BTG2: variants seen among roughly 807,000 people sequenced by gnomAD.
The protein encoded by BTG2 is BTG anti-proliferation factor 2.
In BTG2, 9 loss-of-function variants were observed where a neutral mutation model predicts 13.1. That is an observed-to-expected ratio of 0.69 (90% CI 0.41 to 1.20). The LOEUF (loss-of-function observed/expected upper bound fraction) is 1.20. BTG2 is among the 50% of genes most tolerant of loss of function. BTG2 has a pLI of 0.00. For synonymous variants in BTG2, 92 were observed against 88.6 expected (o/e 1.04, Z -0.21); for missense variants, 200 against 209.5 (o/e 0.95, Z 0.28).
chr1:203,307,086 CT>C lies in BTG2; in HGVS notation c.143-17del, dbSNP rs1467805599. 8.1e-6 allele frequency: 13 copies of C among 1,608,912 alleles called. No homozygotes were observed. Among genetic ancestry groups the C allele is most frequent in the East Asian group, 2.2e-5 (1 of 44,832 alleles). ...GCTGCTCTAACCAGGGCATCTGCCC[CT>C]GGTCCTGTCTCCACAGAGCACTACA... On this transcript the variant is annotated splice_polypyrimidine_tract_variant and intron_variant, in intron 1 of 1. Coordinates refer to ENST00000290551, the MANE Select transcript of BTG2 (RefSeq NM_006763.3).
rs2102286379 is a variant in BTG2, at chr1:203,308,168, C to T, written c.*730C>T. 1 of 152,630 alleles carries T rather than the reference C, an allele frequency of 6.6e-6. No individual in the cohort carries two copies. Among genetic ancestry groups the T allele is most frequent in the South Asian group, 2.1e-4 (1 of 4,826 alleles). The allele number at this position is 152,630 out of a possible 1,614,324, so 9.5% of individuals were successfully genotyped here. A position where few individuals can be genotyped will look rare whatever the true frequency, so the allele number is the denominator to read the frequency against. On this transcript the variant is annotated 3_prime_UTR_variant, in exon 2 of 2. Coordinates refer to ENST00000290551, the MANE Select transcript of BTG2 (RefSeq NM_006763.3). ...ATTGGGGTTAGGATGGAAGGGAACTCTGCACAAAACCTTTGCTTTGCTAGT... is the reference window on the plus strand; with the variant it reads ...ATTGGGGTTAGGATGGAAGGGAACTTTGCACAAAACCTTTGCTTTGCTAGT...
intron 1 of BTG2, among the ~76,000 whole-genome samples, chr1:203,305,998 G>C (rs552728872): frequency 6.6e-6 from 1 of 152,164 alleles, no homozygotes; most frequent in African/African-American, 2.4e-5. Flanking sequence ...CGCAGACCCT[G>C]GTCCTGGAGT....
rs367892990 is a variant in BTG2, at chr1:203,308,916, C to T, written c.*1478C>T. On this transcript the variant is annotated 3_prime_UTR_variant, in exon 2 of 2. Transcript: ENST00000290551. ...TTGATGAGGGGTCCTCAAAAGACCT[C>T]GAGTTTCCCAAACCGAATCACCTTA... 8 of 152,606 alleles carry T rather than the reference C, an allele frequency of 5.2e-5. No homozygotes were observed. In the East Asian group the frequency reaches 9.6e-4, roughly 18 times the overall value. The allele number at this position is 152,606 out of a possible 1,614,324, so 9.5% of individuals were successfully genotyped here.
At chr1:203,307,071 C>G in intron 1 of BTG2, 33 bp from the exon 2 acceptor site, 2 of 1,591,866 alleles carry the variant, frequency 1.3e-6, no homozygotes, top group Non-Finnish European at 1.7e-6. Flanking sequence ...GCTGCTCTAA[C>G]CAGGGCATCT....
intron 1 of BTG2, among the ~76,000 whole-genome samples, chr1:203,306,755 G>A (rs1658282888): frequency 6.7e-6 from 1 of 148,304 alleles, no homozygotes; most frequent in Non-Finnish European, 1.5e-5. Flanking sequence ...GCAATACACT[G>A]GCCACTAGAG....
At chr1:203,306,409 A>T in intron 1 of BTG2, among the ~76,000 whole-genome samples, 1 of 150,280 alleles carries the variant, frequency 6.7e-6, no homozygotes, top group African/African-American at 2.5e-5. Context: ...CTGGGGAGAG[A>T]CCTCTCTCCC....
In BTG2 at chr1:203,307,015, T is replaced by G. The variant is rs527954275; in HGVS notation, c.143-89T>G. 24 of 1,156,354 alleles carry G rather than the reference T, an allele frequency of 2.1e-5. No individual in the cohort carries two copies. In the South Asian group the frequency reaches 3.2e-4, roughly 15 times the overall value. 71.6% of individuals were successfully genotyped at this position (1,156,354 alleles called of 1,614,324 possible). A position where few individuals can be genotyped will look rare whatever the true frequency, so the allele number is the denominator to read the frequency against. On this transcript the variant is annotated intron_variant, in intron 1 of 1. Coordinates refer to ENST00000290551, the MANE Select transcript of BTG2 (RefSeq NM_006763.3). ...CTTAAAGGGCCCCTTTCTCTCCTCCTGTCCCTTGACCCTCCACCCCGCCCT... is the reference window on the plus strand; with the variant it reads ...CTTAAAGGGCCCCTTTCTCTCCTCCGGTCCCTTGACCCTCCACCCCGCCCT...
At position 203,309,566 on chromosome 1, in the gene BTG2, C is replaced by G. The variant is rs1056739357; in HGVS notation, c.*2128C>G. ...TGTACAGCTTATGGACAAATGTACA[C>G]CTTTTTGTTACTTTAATAAAAATGT... On this transcript the variant is annotated 3_prime_UTR_variant, in exon 2 of 2. Coordinates refer to ENST00000290551, the MANE Select transcript of BTG2 (RefSeq NM_006763.3). The G allele has an allele frequency of 2.0e-5, 3 of 152,622 alleles. No individual in the cohort carries two copies. The highest frequency in any genetic ancestry group is 7.2e-5 in the African/African-American group (3 of 41,448). 9.5% of individuals were successfully genotyped at this position (152,622 alleles called of 1,614,324 possible).
intron 1 of BTG2, 99 bp downstream of exon 1, chr1:203,305,847 C>G (rs550400315): frequency 1.4e-6 from 2 of 1,463,970 alleles, no homozygotes; most frequent in African/African-American, 1.4e-5. Context: ...CCCACGGGAG[C>G]AGCTTTGGGA....
intron 1 of BTG2, 70 bp downstream of exon 1, chr1:203,305,818 T>C (rs557158078): frequency 1.3e-6 from 2 of 1,495,096 alleles, no homozygotes; most frequent in African/African-American, 1.4e-5. Flanking sequence ...GTCTTTCTTC[T>C]ACTCCTGCGG....
Position 203,305,731 on chromosome 1 carries a change from T to C in BTG2, c.125T>C (p.Leu42Pro). ...AGGCTTAAGGTCTTCAGCGGGGCGC[T>C]CCAGGAGGCACTCACAGGTGAGCGC... is the stretch of plus-strand genomic sequence containing the variant. ...EQRLKVFSGALQEALTEHYKH... is the reference protein window; with the variant it reads ...EQRLKVFSGAPQEALTEHYKH... Residue 42 changes from leucine to proline, a missense_variant, in exon 1 of 2, where the codon CTC becomes CCC. By Grantham distance (98) the Leu-to-Pro change is moderately conservative. Transcript: ENST00000290551. The C allele has an allele frequency of 6.5e-7, 1 of 1,549,348 alleles. No homozygotes were observed. Among genetic ancestry groups the C allele is most frequent in the Non-Finnish European group, 8.7e-7 (1 of 1,146,334 alleles).
chr1:203,305,938 T>G (rs2102283995), intron 1 of BTG2, among the ~76,000 whole-genome samples, 190 bp downstream of exon 1: 1 of 152,026 alleles, frequency 6.6e-6, no homozygotes, highest in East Asian at 1.9e-4. Flanking sequence ...TGTGCTCGGG[T>G]CTCGGCCGTG....
Position 203,308,981 on chromosome 1 carries a change from C to T in BTG2, c.*1543C>T, listed in dbSNP as rs1658333697. 6.5e-6 allele frequency: 1 copy of T among 152,690 alleles called. No homozygotes were observed. Among genetic ancestry groups the T allele is most frequent in the Admixed American group, 6.5e-5 (1 of 15,280 alleles). 9.5% of individuals were successfully genotyped at this position (152,690 alleles called of 1,614,324 possible). A position where few individuals can be genotyped will look rare whatever the true frequency, so the allele number is the denominator to read the frequency against. ...AGGGCATTTGGCCAGGATGGCCACC[C>T]TCCTGCTGTTGCCCCTTAGTGAGGA... On this transcript the variant is annotated 3_prime_UTR_variant, in exon 2 of 2. Transcript: ENST00000290551.
Position 203,305,718 on chromosome 1 carries a change from T to A in BTG2, c.112T>A (p.Phe38Ile), listed in dbSNP as rs1380551322. 2 of 1,551,576 alleles carry A rather than the reference T, an allele frequency of 1.3e-6. No individual in the cohort carries two copies. ...CGTGAGCGAGCAGAGGCTTAAGGTC[T>A]TCAGCGGGGCGCTCCAGGAGGCACT... Reference protein sequence around the residue: ...GCVSEQRLKVFSGALQEALTE... With the variant: ...GCVSEQRLKVISGALQEALTE... Residue 38 changes from phenylalanine to isoleucine, a missense_variant, in exon 1 of 2, where the codon TTC (phenylalanine) becomes ATC (isoleucine). By Grantham distance (21) the Phe-to-Ile change is conservative. Coordinates refer to ENST00000290551, the MANE Select transcript of BTG2 (RefSeq NM_006763.3).
intron 1 of BTG2, among the ~76,000 whole-genome samples, chr1:203,306,408 G>C (rs1161999955): frequency 1.3e-5 from 2 of 152,082 alleles, no homozygotes; most frequent in African/African-American, 4.8e-5. Context: ...GCTGGGGAGA[G>C]ACCTCTCTCC....
Position 203,307,264 on chromosome 1 carries a change from C to A in BTG2, c.303C>A (p.Thr101=). 1.2e-6 allele frequency: 2 copies of A among 1,614,234 alleles called. No individual in the cohort carries two copies. Among genetic ancestry groups the A allele is most frequent in the Non-Finnish European group, 1.7e-6 (2 of 1,180,046 alleles). Reference sequence around the variant, plus strand: ...ACCAGCTGCTGCCCAGCGAGCTGACCCTGTGGGTGGACCCCTATGAGGTGT... The same window carrying A: ...ACCAGCTGCTGCCCAGCGAGCTGACACTGTGGGTGGACCCCTATGAGGTGT... ...QLHQLLPSEL[T]LWVDPYEVSY... The change falls in exon 2 of 2, where the codon ACC becomes ACA. Residue 101 remains threonine (T), a synonymous_variant. Transcript: ENST00000290551.
chr1:203,307,447 G>C lies in BTG2; in HGVS notation c.*9G>C. ...TGGCAGTCTCCAGCTAGGCCCTTCC[G>C]CCCCCGCCCTGGGCGCCGCCGTGCT... On this transcript the variant is annotated 3_prime_UTR_variant, in exon 2 of 2. Coordinates refer to ENST00000290551, the MANE Select transcript of BTG2 (RefSeq NM_006763.3). 1 of 1,562,854 alleles carries C rather than the reference G, an allele frequency of 6.4e-7. No homozygotes were observed.
chr1:203,305,843 G>A (rs962504969), intron 1 of BTG2, 95 bp downstream of exon 1: 3 of 1,474,810 alleles, frequency 2.0e-6, no homozygotes, highest in South Asian at 1.3e-5. Flanking sequence ...GTGACCCACG[G>A]GAGCAGCTTT....
chr1:203,307,060 A>G, intron 1 of BTG2, 44 bp from the exon 2 acceptor site: 2 of 1,556,486 alleles, frequency 1.3e-6, no homozygotes, highest in Non-Finnish European at 1.8e-6. Context: ...TCCATGGCCT[A>G]GCTGCTCTAA....
Sources: gnomAD v4.1 joint callset for allele counts (sites outside exome capture counted in the v4.1 genomes callset) on GRCh38, gnomAD v4.1.1 for gene constraint, MANE v1.5 for transcripts, NCBI Gene and HGNC (gene_info 2026-07-23, HGNC 2026-07-21) for gene names.